RALYL: variants seen among roughly 807,000 people sequenced by gnomAD.
The protein encoded by RALYL is RNA-binding Raly-like protein.
Under a neutral mutation model 35.1 loss-of-function variants are expected in RALYL, and 29 were observed. The ratio of observed to expected loss-of-function variants is 0.83; its 90% CI spans 0.61 to 1.13. RALYL has a LOEUF of 1.13. RALYL is among the 50% of genes most tolerant of loss of function. The pLI is 0.00. For missense variants in RALYL, 359 were observed against 360.4 expected, an observed-to-expected ratio of 1.00 and a Z score of 0.03; for synonymous variants, 120 against 127.6, an observed-to-expected ratio of 0.94 and a Z score of 0.40.
chr8:84,661,053 C>T (rs1311601583), intron 2 of RALYL, among the ~76,000 whole-genome samples: 3 of 151,948 alleles, frequency 2.0e-5, no homozygotes, highest in Non-Finnish European at 4.4e-5. Flanking sequence ...CTCAGTCTCC[C>T]GACTAGCTGG....
chr8:84,525,953 C>CTTTTTTTTTTTTTTT (rs35794329), intron 1 of RALYL, among the ~76,000 whole-genome samples: 69 of 104,856 alleles, frequency 6.6e-4, no homozygotes, highest in Non-Finnish European at 8.6e-4. Flanking sequence ...TTTCTTTTTT[C>CTTTTTTTTTTTTTTT]TTTTTTTTTT....
chr8:84,403,439 C>T (rs966789673), intron 1 of RALYL, among the ~76,000 whole-genome samples: 7 of 146,732 alleles, frequency 4.8e-5, no homozygotes, highest in South Asian at 2.2e-4. Context: ...TGCTTGTTTT[C>T]GTCAGTTTTG....
chr8:84,542,521 G>A (rs1406502161), intron 2 of RALYL, among the ~76,000 whole-genome samples: 1 of 149,598 alleles, frequency 6.7e-6, no homozygotes, highest in Admixed American at 6.7e-5. Flanking sequence ...ATCATGGGGG[G>A]CAGTTACCCT....
chr8:84,751,812 C>T (rs1287608852), intron 2 of RALYL, among the ~76,000 whole-genome samples: 1 of 152,172 alleles, frequency 6.6e-6, no homozygotes, highest in Non-Finnish European at 1.5e-5. Flanking sequence ...ATGCCAGTAT[C>T]ATGCTTCCTG....
intron 2 of RALYL, chr8:84,679,709 C>A (rs1336523071): frequency 3.9e-6 from 2 of 516,912 alleles, no homozygotes; most frequent in Admixed American, 2.0e-5. Flanking sequence ...TGGCTTTGAC[C>A]CTCAAGGCAA....
In RALYL at chr8:84,331,558, C is replaced by CAGA. The variant is rs1846829418; in HGVS notation, c.-24+147137_-24+147139dup. Reference sequence around the variant, plus strand: ...GAAAGTTAGTATTTCATTATGCATCCAGAAGTGTTGGTCTATGCTCATAGC... The same window carrying CAGA: ...GAAAGTTAGTATTTCATTATGCATCCAGAAGAAGTGTTGGTCTATGCTCATAGC... On this transcript the variant is annotated intron_variant, in intron 1 of 8. Transcript: ENST00000521268. 2.0e-5 allele frequency among the ~76,000 whole-genome samples: 3 copies of CAGA among 152,148 alleles called. No homozygotes were observed. In the South Asian group the frequency reaches 6.2e-4, roughly 32 times the overall value.
At chr8:84,624,368 C>A (rs2131139530) in intron 2 of RALYL, among the ~76,000 whole-genome samples, 1 of 152,214 alleles carries the variant, frequency 6.6e-6, no homozygotes, top group East Asian at 1.9e-4. Flanking sequence ...GTTTTGTGTT[C>A]CTTTTTGGAG....
At chr8:84,270,553 C>CGTGT (rs34047869) in intron 1 of RALYL, among the ~76,000 whole-genome samples, 70,704 of 147,142 alleles carry the variant, frequency 0.48, 16,889 homozygotes, top group East Asian at 0.57. Context: ...ACATGAAATT[C>CGTGT]GTGTGTGTGT....
At chr8:84,206,068 C>T (rs967940330) in intron 1 of RALYL, among the ~76,000 whole-genome samples, 1 of 152,118 alleles carries the variant, frequency 6.6e-6, no homozygotes, top group Non-Finnish European at 1.5e-5. Context: ...CCTCATTTTA[C>T]TTTTATTACC....
intron 2 of RALYL, among the ~76,000 whole-genome samples, chr8:84,732,718 A>G (rs1335768581): frequency 6.6e-6 from 1 of 150,382 alleles, no homozygotes; most frequent in Non-Finnish European, 1.5e-5. Context: ...TTTTTTTTAG[A>G]TGGAGTCTTG....
chr8:84,748,506 T>C (rs903417060), intron 2 of RALYL, among the ~76,000 whole-genome samples: 1 of 152,060 alleles, frequency 6.6e-6, no homozygotes, highest in Admixed American at 6.6e-5. Flanking sequence ...ATTCTGAAAT[T>C]CTTTGAGTTA....
chr8:84,509,570 C>A (rs1418454279), intron 1 of RALYL, among the ~76,000 whole-genome samples: 1 of 152,086 alleles, frequency 6.6e-6, no homozygotes, highest in Non-Finnish European at 1.5e-5. Flanking sequence ...GCCATTGGTG[C>A]TGCATCTAAA....
intron 2 of RALYL, among the ~76,000 whole-genome samples, chr8:84,573,441 C>A (rs576681369): frequency 1.3e-5 from 2 of 151,852 alleles, no homozygotes; most frequent in African/African-American, 2.4e-5. Context: ...CTCCTATGTA[C>A]AAAATATGTA....
intron 5 of RALYL, among the ~76,000 whole-genome samples, chr8:84,861,293 T>A (rs576204776): frequency 6.6e-6 from 1 of 152,326 alleles, no homozygotes; most frequent in South Asian, 2.1e-4. Flanking sequence ...TGAGGAAATG[T>A]ATCCCAGTAT....
At chr8:84,681,400 G>A (rs1413399386) in intron 2 of RALYL, among the ~76,000 whole-genome samples, 2 of 152,174 alleles carry the variant, frequency 1.3e-5, no homozygotes, top group East Asian at 3.9e-4. Context: ...GTTATTGGTA[G>A]CTTGATGGGG....
At chr8:84,725,576 C>A (rs1844794191) in intron 2 of RALYL, among the ~76,000 whole-genome samples, 3 of 151,682 alleles carry the variant, frequency 2.0e-5, no homozygotes, top group African/African-American at 4.8e-5. Context: ...ACTTAATTTT[C>A]AGTTCCTTTA....
intron 3 of RALYL, among the ~76,000 whole-genome samples, chr8:84,798,140 C>A (rs923938202): frequency 3.3e-5 from 5 of 152,094 alleles, no homozygotes; most frequent in African/African-American, 1.2e-4. Context: ...TATACTAATT[C>A]TGCATTGATA....
intron 1 of RALYL, among the ~76,000 whole-genome samples, chr8:84,398,303 GTTTC>G (rs2042544124): frequency 6.7e-6 from 1 of 148,872 alleles, no homozygotes; most frequent in Admixed American, 6.6e-5. Flanking sequence ...ACAAGGTAAA[GTTTC>G]TTTTTTTTTT....
intron 1 of RALYL, among the ~76,000 whole-genome samples, chr8:84,376,986 A>G (rs1857033153): frequency 6.6e-6 from 1 of 151,884 alleles, no homozygotes; most frequent in Non-Finnish European, 1.5e-5. Flanking sequence ...AGTAAAAAGT[A>G]TTGTTTACAA....
Sources: allele counts gnomAD v4.1 joint callset (sites outside exome capture counted in the v4.1 genomes callset), GRCh38; gene constraint gnomAD v4.1.1; transcripts MANE v1.5; gene names NCBI Gene and HGNC (gene_info 2026-07-23, HGNC 2026-07-21).